The following KCNAB1 variants were observed in gnomAD, a reference collection of about 807,000 sequenced individuals.
KCNAB1 encodes the protein potassium voltage-gated channel subfamily A regulatory beta subunit 1.
Under a neutral mutation model 64.6 loss-of-function variants are expected in KCNAB1, and 35 were observed. That is an observed-to-expected ratio of 0.54 (90% CI 0.41 to 0.72). The LOEUF is 0.72. Ranked by LOEUF, KCNAB1 falls within the 30% of genes least tolerant of loss-of-function variation. The pLI is 0.00. For synonymous variants in KCNAB1, 177 were observed against 183.8 expected (o/e 0.96, Z 0.30); for missense variants, 401 against 512.9 (o/e 0.78, Z 2.11).
At chr3:156,350,322 G>A (rs1724773490) in intron 1 of KCNAB1, among the ~76,000 whole-genome samples, 1 of 152,170 alleles carries the variant, frequency 6.6e-6, no homozygotes, top group Admixed American at 6.5e-5. Flanking sequence ...GACAGGGATA[G>A]GAGGGTCATT....
intron 1 of KCNAB1, among the ~76,000 whole-genome samples, chr3:156,192,675 T>C (rs1173006848): frequency 1.3e-5 from 2 of 152,176 alleles, no homozygotes; most frequent in East Asian, 1.9e-4. Flanking sequence ...TGTTATTAAG[T>C]ACATGAATAT....
intron 1 of KCNAB1, among the ~76,000 whole-genome samples, chr3:156,232,871 C>A (rs1716615832): frequency 6.6e-6 from 1 of 152,080 alleles, no homozygotes; most frequent in South Asian, 2.1e-4. Context: ...TTCAGAAAAA[C>A]ACAGAAATAG....
intron 11 of KCNAB1, among the ~76,000 whole-genome samples, chr3:156,518,341 A>G (rs530024470): frequency 6.6e-6 from 1 of 152,284 alleles, no homozygotes; most frequent in East Asian, 1.9e-4. Flanking sequence ...TTTCGGAGTA[A>G]TATATGTGCA....
intron 11 of KCNAB1, among the ~76,000 whole-genome samples, chr3:156,522,854 G>A (rs190710980): frequency 2.0e-4 from 30 of 152,182 alleles, no homozygotes; most frequent in Non-Finnish European, 4.0e-4. Context: ...ACAATTACAC[G>A]CAAGAGAGAA....
chr3:156,316,109 T>C (rs975560631), intron 1 of KCNAB1, among the ~76,000 whole-genome samples: 2 of 152,164 alleles, frequency 1.3e-5, no homozygotes, highest in African/African-American at 2.4e-5. Context: ...CCTTTTAAGG[T>C]TGTTTCACAT....
intron 1 of KCNAB1, among the ~76,000 whole-genome samples, chr3:156,267,674 C>T (rs137981067): frequency 0.017 from 2,630 of 152,196 alleles, 52 homozygotes; most frequent in South Asian, 0.022. Flanking sequence ...CTGGTAGAGT[C>T]TTCCTCTCCT....
At chr3:156,255,160 C>G (rs1474478373) in intron 1 of KCNAB1, among the ~76,000 whole-genome samples, 1 of 152,130 alleles carries the variant, frequency 6.6e-6, no homozygotes, top group South Asian at 2.1e-4. Context: ...CTACTTTGTT[C>G]CAACAAACCG....
At chr3:156,118,423 C>T, upstream of KCNAB1, 1 of 401,700 alleles carries the variant, frequency 2.5e-6, no homozygotes, top group South Asian at 1.9e-5. Flanking sequence ...GTGAATGTTA[C>T]ATAGCACCAC....
At chr3:156,534,846 G>A (rs1718946427) in intron 13 of KCNAB1, among the ~76,000 whole-genome samples, 1 of 152,302 alleles carries the variant, frequency 6.6e-6, no homozygotes, top group Admixed American at 6.5e-5. Flanking sequence ...ATGTTTCAAA[G>A]TGGGGCTTCT....
At chr3:156,148,450 G>A (rs932558101) in intron 1 of KCNAB1, among the ~76,000 whole-genome samples, 8 of 152,212 alleles carry the variant, frequency 5.3e-5, no homozygotes, top group African/African-American at 1.9e-4. Context: ...AAACCAAAGA[G>A]CAAGTAGGAA....
At chr3:156,197,905 C>T (rs1021281932) in intron 1 of KCNAB1, among the ~76,000 whole-genome samples, 5 of 152,042 alleles carry the variant, frequency 3.3e-5, no homozygotes, top group Non-Finnish European at 5.9e-5. Context: ...AGATCTTTCT[C>T]GCTTTCTGAT....
chr3:156,146,030 C>T (rs181900158), intron 1 of KCNAB1, among the ~76,000 whole-genome samples: 78 of 152,248 alleles, frequency 5.1e-4, no homozygotes, highest in African/African-American at 1.8e-3. Flanking sequence ...TTTGGTCAGA[C>T]GCCATTGCAG....
intron 1 of KCNAB1, among the ~76,000 whole-genome samples, chr3:156,236,299 C>T (rs1716847260): frequency 6.6e-6 from 1 of 152,156 alleles, no homozygotes; most frequent in South Asian, 2.1e-4. Context: ...GGATACATGG[C>T]TAAACTGAGG....
chr3:156,309,044 A>G (rs1264099976), intron 1 of KCNAB1, among the ~76,000 whole-genome samples: 1 of 152,212 alleles, frequency 6.6e-6, no homozygotes, highest in African/African-American at 2.4e-5. Flanking sequence ...TCTTCTAAAA[A>G]GAAAAAATAA....
At chr3:156,498,551 A>G (rs1716161828) in intron 8 of KCNAB1, among the ~76,000 whole-genome samples, 1 of 152,226 alleles carries the variant, frequency 6.6e-6, no homozygotes, top group Non-Finnish European at 1.5e-5. Context: ...CTCCCCAGCC[A>G]TATGGAACTG....
At chr3:156,429,217 A>G (rs1463877512) in intron 2 of KCNAB1, among the ~76,000 whole-genome samples, 1 of 152,208 alleles carries the variant, frequency 6.6e-6, no homozygotes, top group Non-Finnish European at 1.5e-5. Context: ...ATCTGGATGG[A>G]TTAAGATAGA....
At chr3:156,329,541 T>C (rs1356918179) in intron 1 of KCNAB1, among the ~76,000 whole-genome samples, 1 of 152,102 alleles carries the variant, frequency 6.6e-6, no homozygotes, top group East Asian at 1.9e-4. Flanking sequence ...AGATTAGGAA[T>C]GACTACAAGG....
intron 1 of KCNAB1, among the ~76,000 whole-genome samples, chr3:156,375,351 C>G (rs1042811150): frequency 1.5e-5 from 2 of 134,444 alleles, no homozygotes; most frequent in Non-Finnish European, 3.1e-5. Flanking sequence ...GTGGTGGAAG[C>G]TGGGCTGGTG....
intron 1 of KCNAB1, among the ~76,000 whole-genome samples, chr3:156,174,132 TC>T (rs1281094917): frequency 6.6e-6 from 1 of 152,240 alleles, no homozygotes; most frequent in East Asian, 1.9e-4. Context: ...TATGTTTACC[TC>T]CTATTAGTTC....
Sources: gnomAD v4.1 joint callset for allele counts (sites outside exome capture counted in the v4.1 genomes callset) on GRCh38, gnomAD v4.1.1 for gene constraint, MANE v1.5 for transcripts, NCBI Gene and HGNC (gene_info 2026-07-23, HGNC 2026-07-21) for gene names.